COL22A1: variants seen among roughly 807,000 people sequenced by gnomAD.
COL22A1 encodes collagen type XXII alpha 1 chain, also known as collagen alpha-1(XXII) chain.
In COL22A1, 221 loss-of-function variants were observed where a neutral mutation model predicts 248.9. The observed-to-expected ratio is 0.89, with a 90% CI of 0.80 to 0.99. COL22A1 has a LOEUF of 0.99. COL22A1 is among the 50% of genes least tolerant of loss of function. The pLI, the probability that COL22A1 is intolerant of heterozygous loss-of-function variation, is 0.00. For synonymous variants in COL22A1, 891 were observed against 793.4 expected, an observed-to-expected ratio of 1.12 and a Z score of -2.07; for missense variants, 2,240 against 2,179.0, an observed-to-expected ratio of 1.03 and a Z score of -0.56.
chr8:138,685,144 C>T, intron 38 of COL22A1, 64 bp downstream of exon 38: 1 of 1,147,610 alleles, frequency 8.7e-7, no homozygotes, highest in Non-Finnish European at 1.3e-6. Flanking sequence ...AGATTTTTTT[C>T]CTTTTCCTTC....
At chr8:138,897,787 A>T (rs770549358) in intron 1 of COL22A1, among the ~76,000 whole-genome samples, 3 of 151,874 alleles carry the variant, frequency 2.0e-5, no homozygotes, top group Non-Finnish European at 4.4e-5. Flanking sequence ...CTTCATTCTG[A>T]AAAACAACAA....
At chr8:138,829,587 T>C (rs751137714) in intron 5 of COL22A1, among the ~76,000 whole-genome samples, 1 of 151,784 alleles carries the variant, frequency 6.6e-6, no homozygotes, top group Non-Finnish European at 1.5e-5. Context: ...CTGTTTTTAG[T>C]AGACAGGGTT....
chr8:138,700,111 C>T lies in COL22A1; in HGVS notation c.2592+1G>A, dbSNP rs201713235. On this transcript the variant is annotated splice_donor_variant, in intron 32 of 64. Transcript: ENST00000303045. LOFTEE classifies it high-confidence loss of function. ...CACCCCGAGGCACCGCTACTACTTACGGGCATCCGTGGATGTGGTGTGAAC... is the reference window on the plus strand; with the variant it reads ...CACCCCGAGGCACCGCTACTACTTATGGGCATCCGTGGATGTGGTGTGAAC... 17 of 1,613,268 alleles carry T rather than the reference C, an allele frequency of 1.1e-5. No individual in the cohort carries two copies. Among genetic ancestry groups the T allele is most frequent in the Admixed American group, 3.3e-5 (2 of 59,964 alleles).
At chr8:138,909,070 C>T (rs1815235212) in intron 1 of COL22A1, among the ~76,000 whole-genome samples, 1 of 152,164 alleles carries the variant, frequency 6.6e-6, no homozygotes, top group African/African-American at 2.4e-5. Flanking sequence ...TGCAAAGGGC[C>T]TATCATAGTC....
Position 138,878,111 on chromosome 8 carries a change from C to T in COL22A1, c.297G>A (p.Glu99=). The change falls in exon 3 of 65, where the codon GAG becomes GAA. Residue 99 remains glutamate (E), a synonymous_variant. Coordinates refer to ENST00000303045, the MANE Select transcript of COL22A1 (RefSeq NM_152888.3). ...GACGCCGGGCAGCCGCCTTGACCTC[C>T]TCCTGCGAGCCAAAGAGTCCCAACT... ...AFELGLFGSQ[E]EVKAAARRLA... 2 of 1,603,442 alleles carry T rather than the reference C, an allele frequency of 1.2e-6. No individual in the cohort carries two copies. Among genetic ancestry groups the T allele is most frequent in the Middle Eastern group, 1.7e-4 (1 of 6,052 alleles).
intron 56 of COL22A1, among the ~76,000 whole-genome samples, chr8:138,609,655 T>A (rs1818704924): frequency 6.6e-6 from 1 of 152,238 alleles, no homozygotes; most frequent in Non-Finnish European, 1.5e-5. Flanking sequence ...GTACTTTGCC[T>A]TATCCCTATG....
chr8:138,864,545 T>C (rs181285179), intron 3 of COL22A1, among the ~76,000 whole-genome samples: 5 of 152,314 alleles, frequency 3.3e-5, no homozygotes, highest in Admixed American at 2.6e-4. Flanking sequence ...CAGGCATATT[T>C]GTCAAGTTAG....
chr8:138,627,910 G>A (rs966145616), intron 50 of COL22A1, among the ~76,000 whole-genome samples: 3 of 152,136 alleles, frequency 2.0e-5, no homozygotes, highest in African/African-American at 7.2e-5. Context: ...TTTTATAGAA[G>A]TTAAGTCAGA....
At chr8:138,598,636 G>C in intron 61 of COL22A1, 83 bp downstream of exon 61, 10 of 1,324,826 alleles carry the variant, frequency 7.5e-6, no homozygotes, top group Non-Finnish European at 7.3e-6. Context: ...CTGTAAACTG[G>C]TGCCTCTGAA....
At chr8:138,749,217 T>C (rs566708961) in intron 22 of COL22A1, among the ~76,000 whole-genome samples, 1 of 152,272 alleles carries the variant, frequency 6.6e-6, no homozygotes, top group South Asian at 2.1e-4. Flanking sequence ...TTTTCCTTTA[T>C]AAATTACACA....
intron 59 of COL22A1, 52 bp downstream of exon 59, chr8:138,604,682 G>T (rs1818288489): frequency 6.5e-6 from 10 of 1,527,810 alleles, no homozygotes; most frequent in Admixed American, 1.7e-5. Flanking sequence ...TGCATAGACT[G>T]CCCATTGGTG....
At chr8:138,846,998 T>C (rs1821292659) in intron 3 of COL22A1, among the ~76,000 whole-genome samples, 1 of 152,200 alleles carries the variant, frequency 6.6e-6, no homozygotes, top group Non-Finnish European at 1.5e-5. Context: ...TCCTGGATCT[T>C]AGAGACTGCT....
rs374550023 is a variant in COL22A1 at position 138,607,993 on chromosome 8, G to A, written c.3979-4C>T. On this transcript the variant is annotated splice_region_variant and splice_polypyrimidine_tract_variant and intron_variant, in intron 56 of 64. Coordinates refer to ENST00000303045, the MANE Select transcript of COL22A1 (RefSeq NM_152888.3). The stretch of plus-strand genomic sequence containing the variant: ...ATCCCGGTGATCCATTCTTGCCCTG[G>A]TGGAAGAAACAGAGGTAATCATCCT... 10 of 1,613,852 alleles carry A rather than the reference G, an allele frequency of 6.2e-6. No homozygotes were observed. The African/African-American group carries it at 1.2e-4, about 19-fold the overall frequency.
intron 37 of COL22A1, among the ~76,000 whole-genome samples, chr8:138,686,487 A>T (rs957561962): frequency 1.3e-5 from 2 of 152,190 alleles, no homozygotes; most frequent in African/African-American, 4.8e-5. Context: ...CAAAGCAAGG[A>T]TGGAGAGGGC....
chr8:138,725,476 G>A lies in COL22A1; in HGVS notation c.2140-36C>T, dbSNP rs752060801. 11 of 1,581,052 alleles carry A rather than the reference G, an allele frequency of 7.0e-6. No individual in the cohort carries two copies. The South Asian group carries it at 1.0e-4, about 15-fold the overall frequency. On this transcript the variant is annotated intron_variant, in intron 23 of 64. Coordinates refer to ENST00000303045, the MANE Select transcript of COL22A1 (RefSeq NM_152888.3). ...AGAGCATTTGGTGGGCTACAGATGGGTCCTGATGAGCCTCCTAGGGACAGT... is the reference window on the plus strand; with the variant it reads ...AGAGCATTTGGTGGGCTACAGATGGATCCTGATGAGCCTCCTAGGGACAGT...
chr8:138,731,863 G>A (rs1377693745), intron 23 of COL22A1, among the ~76,000 whole-genome samples: 1 of 152,104 alleles, frequency 6.6e-6, no homozygotes, highest in East Asian at 1.9e-4. Context: ...TTACCGTGAG[G>A]CTCAATAGCT....
At chr8:138,660,770 A>G (rs547265642) in intron 43 of COL22A1, among the ~76,000 whole-genome samples, 1 of 152,184 alleles carries the variant, frequency 6.6e-6, no homozygotes, top group East Asian at 1.9e-4. Flanking sequence ...GAACATGTGC[A>G]TGCACGCATG....
At position 138,745,495 on chromosome 8, in the gene COL22A1, C is replaced by T. The variant is rs573678217; in HGVS notation, c.2085+5963G>A. 5.8e-4 allele frequency among the ~76,000 whole-genome samples: 89 copies of T among 152,246 alleles called. 2 individuals are homozygous for T. Among genetic ancestry groups the T allele is most frequent in the Admixed American group, 5.8e-3 (88 of 15,300 alleles). On this transcript the variant is annotated intron_variant, in intron 22 of 64. Coordinates refer to ENST00000303045, the MANE Select transcript of COL22A1 (RefSeq NM_152888.3). The stretch of plus-strand genomic sequence containing the variant: ...AGGCATATTCCTATTGTATTTATAA[C>T]TATGTTATGTGTCCATAAAATATGT...
chr8:138,690,719 C>T (rs371950995), intron 36 of COL22A1, 102 bp downstream of exon 36: 45 of 843,350 alleles, frequency 5.3e-5, no homozygotes, highest in African/African-American at 2.4e-4. Flanking sequence ...GAGTAAGGAT[C>T]CTCCCCTTAC....
Sources: gnomAD v4.1 joint callset for allele counts (sites outside exome capture counted in the v4.1 genomes callset) on GRCh38, gnomAD v4.1.1 for gene constraint, MANE v1.5 for transcripts, NCBI Gene and HGNC (gene_info 2026-07-23, HGNC 2026-07-21) for gene names.